AKT3: variants seen among roughly 807,000 people sequenced by gnomAD.
The protein encoded by AKT3 is AKT serine/threonine kinase 3.
AKT3 carries 15 observed loss-of-function variants against 65.3 expected under a neutral mutation model. That is an observed-to-expected ratio of 0.23 (90% CI 0.15 to 0.35). The LOEUF is 0.35. Among genes scored for constraint, AKT3 ranks in the 10% least tolerant of loss-of-function variants. AKT3 has a pLI of 1.00. For synonymous variants in AKT3, 206 were observed against 183.8 expected (o/e 1.12, Z -0.98); for missense variants, 243 against 576.5 (o/e 0.42, Z 5.92).
At position 243,693,243 on chromosome 1, in the gene AKT3, GATATATAT is replaced by G. The variant is rs1172388560; in HGVS notation, c.172+2340_172+2347del. ...TATATCCCTTTGGTAGCTACAATTT[GATATATAT>G]ATATATATATATATATATATATATA... On this transcript the variant is annotated intron_variant, in intron 3 of 13. Transcript: ENST00000673466. Among the ~76,000 whole-genome samples the G allele has an allele frequency of 3.0e-3, 135 of 45,326 alleles. 1 individual carries two copies. Among genetic ancestry groups the G allele is most frequent in the African/African-American group, 8.8e-3 (113 of 12,860 alleles). The allele number at this position is 45,326 out of a possible 152,430, so 29.7% of individuals were successfully genotyped here. A position where few individuals can be genotyped will look rare whatever the true frequency, so the allele number is the denominator to read the frequency against.
chr1:243,799,756 C>T (rs911525145), intron 2 of AKT3, among the ~76,000 whole-genome samples: 1 of 152,134 alleles, frequency 6.6e-6, no homozygotes, highest in Non-Finnish European at 1.5e-5. Flanking sequence ...AGTCTGATTT[C>T]TGTTACTTAA....
rs1440226192 is a variant in AKT3, at chr1:243,850,077, G to C, written c.-150C>G. The stretch of plus-strand genomic sequence containing the variant: ...CGGCGGCGGTGGCGGCCCCGCAGCT[G>C]CTCGGGCGGCGGCGGAGGATGGAGC... On this transcript the variant is annotated 5_prime_UTR_variant, in exon 1 of 14. Transcript: ENST00000673466. 1.1e-6 allele frequency: 1 copy of C among 907,134 alleles called. No individual in the cohort carries two copies. Among genetic ancestry groups the C allele is most frequent in the African/African-American group, 1.9e-5 (1 of 53,750 alleles). The allele number at this position is 907,134 out of a possible 1,614,324, so 56.2% of individuals were successfully genotyped here.
chr1:243,496,100 G>A (rs1188679057), downstream of AKT3, among the ~76,000 whole-genome samples: 1 of 152,252 alleles, frequency 6.6e-6, no homozygotes, highest in African/African-American at 2.4e-5. Context: ...TTAGTGCTGA[G>A]ATCATTGTGG....
intron 2 of AKT3, among the ~76,000 whole-genome samples, chr1:243,719,624 T>C (rs1686748495): frequency 6.6e-6 from 1 of 152,212 alleles, no homozygotes; most frequent in African/African-American, 2.4e-5. Context: ...TTCTGGCTCA[T>C]GTAAGGTCAA....
intron 2 of AKT3, among the ~76,000 whole-genome samples, chr1:243,774,704 C>A (rs1332310247): frequency 6.6e-6 from 1 of 152,194 alleles, no homozygotes; most frequent in African/African-American, 2.4e-5. Flanking sequence ...AAACTGTCAA[C>A]TGCATGTATT....
At chr1:243,705,470 A>G (rs1387213430) in intron 2 of AKT3, among the ~76,000 whole-genome samples, 1 of 152,192 alleles carries the variant, frequency 6.6e-6, no homozygotes, top group African/African-American at 2.4e-5. Flanking sequence ...CGGTAAATTG[A>G]CTAATCAAAT....
At chr1:243,585,687 A>G (rs889260869) in intron 8 of AKT3, among the ~76,000 whole-genome samples, 1 of 152,180 alleles carries the variant, frequency 6.6e-6, no homozygotes, top group Non-Finnish European at 1.5e-5. Context: ...GGTGAGCCAT[A>G]CGCAGAGGAA....
chr1:243,745,326 G>T (rs2148190606), intron 2 of AKT3, among the ~76,000 whole-genome samples: 1 of 152,104 alleles, frequency 6.6e-6, no homozygotes, highest in East Asian at 1.9e-4. Context: ...GGCAACAGAG[G>T]GAGATCCTGT....
At chr1:243,800,286 C>CAAGG (rs1692299752) in intron 2 of AKT3, among the ~76,000 whole-genome samples, 1 of 152,206 alleles carries the variant, frequency 6.6e-6, no homozygotes, top group African/African-American at 2.4e-5. Flanking sequence ...GCAGTGCCAA[C>CAAGG]CTTACAGGGC....
At chr1:243,730,306 TG>T (rs772435228) in intron 2 of AKT3, among the ~76,000 whole-genome samples, 8 of 152,246 alleles carry the variant, frequency 5.3e-5, no homozygotes, top group Non-Finnish European at 1.2e-4. Context: ...TCCTCTCTGC[TG>T]AGCTGTTCTG....
intron 8 of AKT3, among the ~76,000 whole-genome samples, chr1:243,608,992 T>C (rs1002214927): frequency 6.6e-6 from 1 of 151,886 alleles, no homozygotes; most frequent in Non-Finnish European, 1.5e-5. Context: ...GACCTCGTGA[T>C]CTGCCCGCCT....
At chr1:243,807,119 C>T (rs1011785082) in intron 2 of AKT3, among the ~76,000 whole-genome samples, 13 of 152,264 alleles carry the variant, frequency 8.5e-5, no homozygotes, top group Middle Eastern at 3.4e-3. Flanking sequence ...ACACAGAAGA[C>T]GGGTGATTTC....
intron 3 of AKT3, among the ~76,000 whole-genome samples, chr1:243,670,389 G>A (rs145890423): frequency 2.6e-5 from 4 of 152,214 alleles, no homozygotes; most frequent in South Asian, 2.1e-4. Context: ...ACCAGTGATC[G>A]AGTAAATAGA....
At chr1:243,573,860 C>A (rs1674736037) in intron 8 of AKT3, among the ~76,000 whole-genome samples, 1 of 152,106 alleles carries the variant, frequency 6.6e-6, no homozygotes, top group Non-Finnish European at 1.5e-5. Flanking sequence ...CTCCAATAGG[C>A]CACTTCTTCA....
intron 10 of AKT3, 95 bp downstream of exon 10, chr1:243,563,625 T>C (rs959059031): frequency 2.1e-6 from 3 of 1,422,370 alleles, no homozygotes; most frequent in Admixed American, 5.1e-5. Flanking sequence ...TAGATAAAAG[T>C]AGTAGATACT....
intron 9 of AKT3, among the ~76,000 whole-genome samples, chr1:243,570,533 G>C (rs1674482488): frequency 6.6e-6 from 1 of 152,094 alleles, no homozygotes; most frequent in African/African-American, 2.4e-5. Context: ...AAGGAGCTAG[G>C]ATTCATGAGT....
chr1:243,755,831 G>T (rs1689102711), intron 2 of AKT3, among the ~76,000 whole-genome samples: 1 of 152,180 alleles, frequency 6.6e-6, no homozygotes, highest in Non-Finnish European at 1.5e-5. Flanking sequence ...TGGGATATGG[G>T]AATCCCCAAA....
intron 3 of AKT3, among the ~76,000 whole-genome samples, chr1:243,680,551 T>C (rs897646771): frequency 4.6e-5 from 7 of 152,100 alleles, no homozygotes; most frequent in East Asian, 1.9e-4. Context: ...AATGTGGCCT[T>C]AGGCCTCATT....
At chr1:243,684,243 G>A (rs1313773680) in intron 3 of AKT3, among the ~76,000 whole-genome samples, 1 of 151,950 alleles carries the variant, frequency 6.6e-6, no homozygotes, top group East Asian at 1.9e-4. Flanking sequence ...GTGCCATGGT[G>A]GTTTGCTGCA....
Sources: gnomAD v4.1 joint callset for allele counts (sites outside exome capture counted in the v4.1 genomes callset) on GRCh38, gnomAD v4.1.1 for gene constraint, MANE v1.5 for transcripts, NCBI Gene and HGNC (gene_info 2026-07-23, HGNC 2026-07-21) for gene names.